EBF1: variants seen among roughly 807,000 people sequenced by gnomAD.
EBF1 encodes transcription factor COE1.
In EBF1, 10 loss-of-function variants were observed where a neutral mutation model predicts 68.4. The observed-to-expected ratio is 0.15, with a 90% CI of 0.09 to 0.25. The LOEUF (loss-of-function observed/expected upper bound fraction) is 0.25, where lower values mean the gene tolerates loss of function less well. Ranked by LOEUF, EBF1 falls within the 10% of genes least tolerant of loss-of-function variation. The probability of loss-of-function intolerance (pLI) is 1.00; values close to 1 mark genes in which losing one functional copy is unlikely to be tolerated. For missense variants in EBF1, 509 were observed against 794.4 expected (o/e 0.64, Z 4.32); for synonymous variants, 298 against 299.8 (o/e 0.99, Z 0.06).
chr5:159,091,085 A>G (rs1388275746), intron 4 of EBF1, among the ~76,000 whole-genome samples: 4 of 152,208 alleles, frequency 2.6e-5, no homozygotes, highest in Non-Finnish European at 5.9e-5. Flanking sequence ...AGACAGAGAG[A>G]ACAGACTATC....
intron 6 of EBF1, among the ~76,000 whole-genome samples, chr5:158,923,191 C>A (rs1471577601): frequency 1.3e-5 from 2 of 152,190 alleles, no homozygotes; most frequent in Non-Finnish European, 2.9e-5. Context: ...CTAAAATTCT[C>A]CAGGTCCAGG....
chr5:159,070,386 T>A (rs1325558733), intron 6 of EBF1, among the ~76,000 whole-genome samples: 1 of 152,206 alleles, frequency 6.6e-6, no homozygotes, highest in Non-Finnish European at 1.5e-5. Flanking sequence ...AAGGATGAAG[T>A]ATAATAGAAG....
intron 6 of EBF1, among the ~76,000 whole-genome samples, chr5:158,937,577 G>A (rs1354825868): frequency 2.6e-5 from 4 of 152,240 alleles, no homozygotes; most frequent in Admixed American, 2.0e-4. Flanking sequence ...GTAGAGCAGA[G>A]CGGAATGGGA....
intron 5 of EBF1, among the ~76,000 whole-genome samples, chr5:159,080,991 G>A (rs987790288): frequency 1.3e-5 from 2 of 152,040 alleles, no homozygotes; most frequent in Admixed American, 6.5e-5. Flanking sequence ...TTTTGTTGTT[G>A]TTGTTTTGAG....
rs532412789 is a variant in EBF1, at chr5:158,853,864, C to T, written c.555-13754G>A. On this transcript the variant is annotated intron_variant, in intron 6 of 15. Coordinates refer to ENST00000313708, the MANE Select transcript of EBF1 (RefSeq NM_024007.5). ...ATAGAAGCTTTTAAATTCAGAGTCT[C>T]AAATGCAGACCCTACAGAGCCCAGG... Among the ~76,000 whole-genome samples the T allele has an allele frequency of 7.9e-5, 12 of 152,276 alleles. 1 individual carries two copies. The highest frequency in any genetic ancestry group is 5.2e-4 in the Admixed American group (8 of 15,298).
chr5:158,729,894 G>C (rs1486969622), intron 11 of EBF1, among the ~76,000 whole-genome samples: 1 of 152,168 alleles, frequency 6.6e-6, no homozygotes, highest in Non-Finnish European at 1.5e-5. Flanking sequence ...CCTCACCTCT[G>C]TGTAGTGGCC....
At chr5:159,090,856 C>T (rs961674973) in intron 4 of EBF1, among the ~76,000 whole-genome samples, 1 of 151,608 alleles carries the variant, frequency 6.6e-6, no homozygotes, top group African/African-American at 2.4e-5. Context: ...TTATTAAGCA[C>T]TTAATTTGTA....
At chr5:158,712,940 G>A (rs1759759002) in intron 13 of EBF1, 30 bp downstream of exon 13, 2 of 1,405,314 alleles carry the variant, frequency 1.4e-6, no homozygotes, top group East Asian at 5.2e-5. Context: ...GCTTAAGGTT[G>A]GGGAGGGAAG....
chr5:159,022,291 G>T (rs888151825), intron 6 of EBF1, among the ~76,000 whole-genome samples: 1 of 152,166 alleles, frequency 6.6e-6, no homozygotes, highest in African/African-American at 2.4e-5. Context: ...AAATGTGCTC[G>T]GGGAGGCTGA....
chr5:158,923,879 G>T (rs1219864267), intron 6 of EBF1, among the ~76,000 whole-genome samples: 1 of 152,190 alleles, frequency 6.6e-6, no homozygotes, highest in African/African-American at 2.4e-5. Context: ...GAGCTCAAAA[G>T]CCAAACCTGG....
At chr5:158,767,797 G>A (rs1012569831) in intron 10 of EBF1, among the ~76,000 whole-genome samples, 1 of 152,122 alleles carries the variant, frequency 6.6e-6, no homozygotes, top group African/African-American at 2.4e-5. Flanking sequence ...GGAGAGAAAG[G>A]AGGAGCTGAA....
chr5:158,941,838 T>A (rs1561577913), intron 6 of EBF1, among the ~76,000 whole-genome samples: 1 of 152,116 alleles, frequency 6.6e-6, no homozygotes, highest in Non-Finnish European at 1.5e-5. Context: ...TATCCAGAAC[T>A]GTGGTATCCT....
intron 10 of EBF1, among the ~76,000 whole-genome samples, chr5:158,760,759 T>C (rs1005481249): frequency 1.3e-5 from 2 of 152,152 alleles, no homozygotes; most frequent in African/African-American, 4.8e-5. Context: ...CCCTGAATTA[T>C]TGCTTCATTT....
intron 10 of EBF1, among the ~76,000 whole-genome samples, chr5:158,763,156 A>C (rs750005405): frequency 6.6e-6 from 1 of 152,212 alleles, no homozygotes; most frequent in Non-Finnish European, 1.5e-5. Context: ...CTCAAGGACC[A>C]CCAGGGGACT....
In EBF1 at chr5:159,003,839, G is replaced by C. The variant is rs542366203; in HGVS notation, c.554+69557C>G. Among the ~76,000 whole-genome samples the C allele has an allele frequency of 9.8e-5, 15 of 152,306 alleles. No homozygotes were observed. In the East Asian group the frequency reaches 2.9e-3, roughly 29 times the overall value. ...AGATGGAGCTAAGATTACACAAGTG[G>C]CTCCTTTGAGATCATGGATGAGTAA... On this transcript the variant is annotated intron_variant, in intron 6 of 15. Coordinates refer to ENST00000313708, the MANE Select transcript of EBF1 (RefSeq NM_024007.5).
intron 10 of EBF1, among the ~76,000 whole-genome samples, chr5:158,772,091 C>T (rs796315449): frequency 9.9e-5 from 15 of 152,240 alleles, no homozygotes; most frequent in African/African-American, 2.4e-4. Flanking sequence ...ACTTGGGCTA[C>T]GTCTTACATA....
At chr5:158,878,053 C>T (rs969283439) in intron 6 of EBF1, among the ~76,000 whole-genome samples, 28 of 151,460 alleles carry the variant, frequency 1.8e-4, no homozygotes, top group African/African-American at 5.3e-4. Context: ...TCACTGCTCA[C>T]GGGAGAAGTT....
At chr5:158,839,898 TG>T (rs1336969465) in intron 7 of EBF1, 130 bp downstream of exon 7, 1 of 789,228 alleles carries the variant, frequency 1.3e-6, no homozygotes, top group Non-Finnish European at 2.2e-6. Flanking sequence ...TGCAGATACC[TG>T]GGGGACCAAG....
chr5:159,099,227 T>G, intron 1 of EBF1, 118 bp downstream of exon 1: 1 of 761,138 alleles, frequency 1.3e-6, no homozygotes, highest in East Asian at 3.7e-5. Flanking sequence ...GCGCAGCGGC[T>G]GCGGACTCAC....
Sources: gnomAD v4.1 joint callset for allele counts (sites outside exome capture counted in the v4.1 genomes callset) on GRCh38, gnomAD v4.1.1 for gene constraint, MANE v1.5 for transcripts, NCBI Gene and HGNC (gene_info 2026-07-23, HGNC 2026-07-21) for gene names.